The following AGBL1 variants were observed in gnomAD, a reference collection of about 807,000 sequenced individuals.
AGBL1 encodes the protein AGBL carboxypeptidase 1, also known as cytosolic carboxypeptidase 4.
In AGBL1, 130 loss-of-function variants were observed where a neutral mutation model predicts 118.9. The ratio of observed to expected loss-of-function variants is 1.09; its 90% CI spans 0.95 to 1.26. The LOEUF is 1.26. Ranked by LOEUF, AGBL1 falls within the 50% of genes most tolerant of loss-of-function variation. AGBL1 has a pLI of 0.00. For missense variants in AGBL1, 1,584 were observed against 1,298.1 expected (o/e 1.22, Z -3.38); for synonymous variants, 555 against 478.9 (o/e 1.16, Z -2.08).
intron 18 of AGBL1, among the ~76,000 whole-genome samples, chr15:86,403,187 A>C (rs900468656): frequency 6.6e-6 from 1 of 152,182 alleles, no homozygotes; most frequent in Non-Finnish European, 1.5e-5. Context: ...GTCAAGCATG[A>C]TTCCCAATCT....
chr15:86,113,248 T>TTTTCTTTTCTTTTCTTTTCTTTTCC (rs1897529668), intron 1 of AGBL1, among the ~76,000 whole-genome samples: 2 of 74,798 alleles, frequency 2.7e-5, no homozygotes, highest in Non-Finnish European at 5.1e-5. Context: ...TTTTCTTTTC[T>TTTTCTTTTCTTTTCTTTTCTTTTCC]TTTCTTTTCT....
intron 1 of AGBL1, among the ~76,000 whole-genome samples, chr15:86,129,213 A>T (rs969964960): frequency 6.6e-6 from 1 of 152,186 alleles, no homozygotes; most frequent in African/African-American, 2.4e-5. Flanking sequence ...AGTTGAGCAG[A>T]TGCTGGATAT....
At chr15:86,232,952 C>G (rs1490306557) in intron 6 of AGBL1, among the ~76,000 whole-genome samples, 1 of 152,114 alleles carries the variant, frequency 6.6e-6, no homozygotes, top group Admixed American at 6.6e-5. Context: ...TGAATAATGA[C>G]TATCAATAAT....
intron 17 of AGBL1, among the ~76,000 whole-genome samples, chr15:86,345,264 C>G (rs2080519165): frequency 6.6e-6 from 1 of 151,780 alleles, no homozygotes; most frequent in Admixed American, 6.6e-5. Flanking sequence ...TATTCAAATG[C>G]CTTGGCTCTG....
intron 16 of AGBL1, among the ~76,000 whole-genome samples, chr15:86,286,817 A>G (rs2079462053): frequency 6.6e-6 from 1 of 150,580 alleles, no homozygotes; most frequent in South Asian, 2.1e-4. Context: ...TGCACTGAAC[A>G]TAGGGGTGTA....
At chr15:86,804,540 G>A (rs1345438420) in intron 22 of AGBL1, among the ~76,000 whole-genome samples, 1 of 152,160 alleles carries the variant, frequency 6.6e-6, no homozygotes, top group Non-Finnish European at 1.5e-5. Flanking sequence ...AATGCAAAAT[G>A]GAAGGAAGCG....
intron 5 of AGBL1, among the ~76,000 whole-genome samples, chr15:86,200,562 C>CTT (rs1311807927): frequency 3.6e-4 from 34 of 95,124 alleles, no homozygotes; most frequent in African/African-American, 1.4e-3. Flanking sequence ...CCCCCCCCCC[C>CTT]TTTTTTTTTT....
intron 24 of AGBL1, among the ~76,000 whole-genome samples, chr15:87,024,509 C>T (rs2081704699): frequency 6.6e-6 from 1 of 151,840 alleles, no homozygotes; most frequent in African/African-American, 2.4e-5. Flanking sequence ...GAAACAAGTT[C>T]AGGACCAGAC....
At chr15:86,215,072 T>C (rs1597567204) in intron 5 of AGBL1, among the ~76,000 whole-genome samples, 1 of 152,284 alleles carries the variant, frequency 6.6e-6, no homozygotes, top group African/African-American at 2.4e-5. Context: ...ATGTTTATTA[T>C]GCTTTTTCTT....
chr15:86,556,092 C>G, intron 21 of AGBL1: 1 of 647,664 alleles, frequency 1.5e-6, no homozygotes, highest in South Asian at 2.6e-5. Context: ...CCAATTCAAA[C>G]AAACAGCTTC....
At chr15:86,411,630 A>T (rs969036500) in intron 18 of AGBL1, among the ~76,000 whole-genome samples, 5 of 152,020 alleles carry the variant, frequency 3.3e-5, no homozygotes, top group Non-Finnish European at 7.4e-5. Flanking sequence ...TTTTCACTCC[A>T]CAGAAAATGC....
intron 5 of AGBL1, among the ~76,000 whole-genome samples, chr15:86,175,797 C>T (rs1321800342): frequency 1.3e-5 from 2 of 152,046 alleles, no homozygotes; most frequent in African/African-American, 4.8e-5. Flanking sequence ...CACGTATTTC[C>T]ATATTTCCTT....
chr15:86,333,924 C>G (rs2080315969), intron 17 of AGBL1, among the ~76,000 whole-genome samples: 1 of 152,056 alleles, frequency 6.6e-6, no homozygotes, highest in South Asian at 2.1e-4. Flanking sequence ...AAATTTAAAA[C>G]AAAAACCATA....
intron 17 of AGBL1, among the ~76,000 whole-genome samples, chr15:86,310,353 T>C (rs1043407999): frequency 3.3e-5 from 5 of 152,162 alleles, no homozygotes; most frequent in African/African-American, 1.2e-4. Flanking sequence ...ATTTTGTTTA[T>C]TTTTTTGAAA....
chr15:86,314,663 A>G (rs1413473600), intron 17 of AGBL1, among the ~76,000 whole-genome samples: 1 of 152,148 alleles, frequency 6.6e-6, no homozygotes, highest in African/African-American at 2.4e-5. Context: ...TCACTCAGGA[A>G]TGAATTGGAG....
intron 22 of AGBL1, among the ~76,000 whole-genome samples, chr15:86,703,166 C>A (rs534018754): frequency 1.8e-4 from 27 of 152,112 alleles, no homozygotes; most frequent in Non-Finnish European, 3.7e-4. Flanking sequence ...TTGTAGTATT[C>A]TGGTAAATTC....
chr15:86,706,278 A>T (rs1384539728), intron 22 of AGBL1, among the ~76,000 whole-genome samples: 1 of 152,080 alleles, frequency 6.6e-6, no homozygotes, highest in African/African-American at 2.4e-5. Context: ...ATTTTGAAAA[A>T]TCCCAAGGGG....
At chr15:86,686,680 G>T (rs1197485143) in intron 22 of AGBL1, among the ~76,000 whole-genome samples, 1 of 151,964 alleles carries the variant, frequency 6.6e-6, no homozygotes, top group African/African-American at 2.4e-5. Context: ...CTCGTGATCT[G>T]CCTGCCTTGG....
intron 22 of AGBL1, among the ~76,000 whole-genome samples, chr15:86,754,694 A>C (rs191865243): frequency 6.6e-6 from 1 of 152,058 alleles, no homozygotes; most frequent in African/African-American, 2.4e-5. Context: ...CCGGTGTTCA[A>C]TTGTGGCTGT....
Sources: gnomAD v4.1 joint callset for allele counts (sites outside exome capture counted in the v4.1 genomes callset) on GRCh38, gnomAD v4.1.1 for gene constraint, MANE v1.5 for transcripts, NCBI Gene and HGNC (gene_info 2026-07-23, HGNC 2026-07-21) for gene names.